Variants in MITF observed in about 807,000 individuals in gnomAD.
MITF encodes microphthalmia-associated transcription factor.
MITF carries 17 observed loss-of-function variants against 60.5 expected under a neutral mutation model. The observed-to-expected ratio is 0.28, with a 90% CI of 0.19 to 0.42. The LOEUF is 0.42. Ranked by LOEUF, MITF falls within the 10% of genes least tolerant of loss-of-function variation. MITF has a pLI of 1.00. For missense variants in MITF, 622 were observed against 683.5 expected, an observed-to-expected ratio of 0.91 and a Z score of 1.00; for synonymous variants, 260 against 248.5, an observed-to-expected ratio of 1.05 and a Z score of -0.43.
chr3:69,930,725 G>A (rs2065702306), intron 2 of MITF, among the ~76,000 whole-genome samples: 1 of 152,204 alleles, frequency 6.6e-6, no homozygotes, highest in African/African-American at 2.4e-5. Context: ...GGACCGGCTG[G>A]GTCAGCATCC....
chr3:69,890,503 T>G (rs933779104), intron 2 of MITF, among the ~76,000 whole-genome samples: 1 of 152,194 alleles, frequency 6.6e-6, no homozygotes, highest in Non-Finnish European at 1.5e-5. Flanking sequence ...GATTAGTTAA[T>G]CATACATTGT....
intron 1 of MITF, among the ~76,000 whole-genome samples, chr3:69,865,946 C>CAGT (rs1463856217): frequency 2.0e-5 from 3 of 152,190 alleles, no homozygotes. Flanking sequence ...TAATAATGTG[C>CAGT]AGTCTCTGCA....
At chr3:69,759,846 C>T (rs1480850842) in intron 1 of MITF, among the ~76,000 whole-genome samples, 1 of 152,078 alleles carries the variant, frequency 6.6e-6, no homozygotes, top group Non-Finnish European at 1.5e-5. Context: ...GGCACGATCT[C>T]GGCTCACTGC....
rs1367350672 is a variant in MITF at position 69,965,442 on chromosome 3, C to T, written c.*194C>T. On this transcript the variant is annotated 3_prime_UTR_variant, in exon 10 of 10. Transcript: ENST00000352241. ...ACTTGTATATTCTATTTTACAACTA[C>T]AAATGCCTCCAAAGTATTGTACAAA... The T allele has an allele frequency of 3.5e-6, 2 of 570,278 alleles. No individual in the cohort carries two copies. The highest frequency in any genetic ancestry group is 6.2e-6 in the Non-Finnish European group (2 of 324,628). 35.3% of individuals were successfully genotyped at this position (570,278 alleles called of 1,614,324 possible).
intron 1 of MITF, among the ~76,000 whole-genome samples, chr3:69,799,736 C>T (rs2062887147): frequency 6.6e-6 from 1 of 152,134 alleles, no homozygotes; most frequent in East Asian, 1.9e-4. Flanking sequence ...TTAGTATGCT[C>T]TTAGGGTAAA....
intron 1 of MITF, among the ~76,000 whole-genome samples, chr3:69,870,706 C>A (rs2064219293): frequency 1.3e-5 from 2 of 152,004 alleles, no homozygotes; most frequent in Non-Finnish European, 2.9e-5. Context: ...TTTTAAATGG[C>A]AGTCTGGGTG....
chr3:69,931,983 ATTC>A (rs1203945442), intron 2 of MITF, among the ~76,000 whole-genome samples: 1 of 152,238 alleles, frequency 6.6e-6, no homozygotes, highest in Non-Finnish European at 1.5e-5. Flanking sequence ...CATATCCTGT[ATTC>A]TTACAAAGAT....
At chr3:69,925,595 T>C (rs527629320) in intron 2 of MITF, among the ~76,000 whole-genome samples, 1 of 152,358 alleles carries the variant, frequency 6.6e-6, no homozygotes, top group East Asian at 1.9e-4. Context: ...CAATGGCTTC[T>C]TACAAGTAGT....
At position 69,949,815 on chromosome 3, in the gene MITF, A is replaced by G. The variant is rs78805292; in HGVS notation, c.880+647A>G. On this transcript the variant is annotated intron_variant, in intron 6 of 9. Transcript: ENST00000352241. ...TGGTCATTAAAACATGGCGGAAACT[A>G]TATTAGAACTGGCATTCTACCATGG... 6.6e-5 allele frequency among the ~76,000 whole-genome samples: 10 copies of G among 152,310 alleles called. No homozygotes were observed. The East Asian group carries it at 1.5e-3, about 24-fold the overall frequency.
intron 1 of MITF, among the ~76,000 whole-genome samples, chr3:69,849,003 C>T (rs1212295204): frequency 1.7e-5 from 2 of 119,766 alleles, no homozygotes; most frequent in Admixed American, 1.1e-4. Context: ...CTCGCTCTGT[C>T]GCCCAGGCTG....
intron 1 of MITF, among the ~76,000 whole-genome samples, chr3:69,783,744 C>T (rs563502097): frequency 6.6e-6 from 1 of 152,146 alleles, no homozygotes; most frequent in Admixed American, 6.5e-5. Context: ...TGGTGTTTCA[C>T]AAAGTGTAGT....
intron 8 of MITF, 79 bp downstream of exon 8, chr3:69,956,609 T>C: frequency 1.7e-6 from 2 of 1,179,114 alleles, no homozygotes; most frequent in South Asian, 1.2e-5. Flanking sequence ...AAAAATGCAG[T>C]TGTAAAAACT....
At chr3:69,851,925 A>G (rs1559674295) in intron 1 of MITF, among the ~76,000 whole-genome samples, 1 of 152,226 alleles carries the variant, frequency 6.6e-6, no homozygotes, top group Non-Finnish European at 1.5e-5. Context: ...AAACCTCACA[A>G]ATATTTATTG....
chr3:69,789,889 C>T (rs111393052), intron 1 of MITF, among the ~76,000 whole-genome samples: 44 of 151,936 alleles, frequency 2.9e-4, no homozygotes, highest in Non-Finnish European at 5.3e-4. Flanking sequence ...TCATGTGATC[C>T]AGTAATCCCA....
intron 1 of MITF, among the ~76,000 whole-genome samples, chr3:69,855,728 G>A (rs963512360): frequency 1.3e-5 from 2 of 151,972 alleles, no homozygotes; most frequent in African/African-American, 2.4e-5. Context: ...AAACAAAAAT[G>A]GACTGTAAGC....
chr3:69,868,239 A>G (rs1323000024), intron 1 of MITF, among the ~76,000 whole-genome samples: 2 of 152,184 alleles, frequency 1.3e-5, no homozygotes, highest in Non-Finnish European at 2.9e-5. Flanking sequence ...AATTTTCACA[A>G]CTGCTCTATG....
chr3:69,749,860 C>T lies in MITF; in HGVS notation c.104+10159C>T, dbSNP rs140736283. ...TTCCACTGGTCTTTGGGTAGGTACA[C>T]ACTAATAATATTTTTTATCTAGGCA... On this transcript the variant is annotated intron_variant, in intron 1 of 9. Transcript: ENST00000352241. Among the ~76,000 whole-genome samples the T allele has an allele frequency of 1.4e-3, 207 of 152,250 alleles. 1 individual carries two copies. Among genetic ancestry groups the T allele is most frequent in the African/African-American group, 4.4e-3 (181 of 41,548 alleles).
intron 2 of MITF, among the ~76,000 whole-genome samples, chr3:69,892,056 T>G (rs1360430538): frequency 6.6e-6 from 1 of 152,180 alleles, no homozygotes; most frequent in African/African-American, 2.4e-5. Flanking sequence ...ATTTGTAAAT[T>G]AAATATGTAT....
intron 1 of MITF, among the ~76,000 whole-genome samples, chr3:69,775,875 G>T (rs1234841770): frequency 6.6e-6 from 1 of 152,144 alleles, no homozygotes; most frequent in African/African-American, 2.4e-5. Flanking sequence ...AAACTAAACT[G>T]CCCTAATTGT....
Sources: allele counts gnomAD v4.1 joint callset (sites outside exome capture counted in the v4.1 genomes callset), GRCh38; gene constraint gnomAD v4.1.1; transcripts MANE v1.5; gene names NCBI Gene and HGNC (gene_info 2026-07-23, HGNC 2026-07-21).